PLCL1: variants seen among roughly 807,000 people sequenced by gnomAD.
PLCL1 encodes inactive phospholipase C-like protein 1.
In PLCL1, 41 loss-of-function variants were observed where a neutral mutation model predicts 84.4. The observed-to-expected ratio is 0.49, with a 90% CI of 0.38 to 0.63. PLCL1 has a LOEUF of 0.63. PLCL1 is among the 30% of genes least tolerant of loss of function. The pLI, the probability that PLCL1 is intolerant of heterozygous loss-of-function variation, is 0.00. For missense variants in PLCL1, 1,206 were observed against 1,367.8 expected (o/e 0.88, Z 1.87); for synonymous variants, 490 against 488.3 (o/e 1.00, Z -0.05).
intron 1 of PLCL1, among the ~76,000 whole-genome samples, chr2:197,809,963 A>T (rs1302186321): frequency 6.6e-6 from 1 of 152,180 alleles, no homozygotes; most frequent in Non-Finnish European, 1.5e-5. Flanking sequence ...GCATTTATAG[A>T]TTTTATTCTC....
Position 198,084,407 on chromosome 2 carries a change from G to C in PLCL1, c.890G>C (p.Arg297Pro). ...IQKSKEKLTT[R>P]VTEEEFCEAF... ...AAGAGCAAGGAAAAACTAACCACCC[G>C]CGTGACCGAAGAGGAATTTTGTGAA... The change falls in exon 2 of 6, where the codon CGC becomes CCC. Residue 297 changes from arginine (R) to proline (P), a missense_variant. Arg to Pro is a moderately radical substitution (Grantham distance 103). Coordinates refer to ENST00000428675, the MANE Select transcript of PLCL1 (RefSeq NM_006226.4). 1 of 1,614,136 alleles carries C rather than the reference G, an allele frequency of 6.2e-7. No homozygotes were observed. The highest frequency in any genetic ancestry group is 8.5e-7 in the Non-Finnish European group (1 of 1,180,002).
chr2:198,051,765 T>G (rs1031577922), intron 1 of PLCL1, among the ~76,000 whole-genome samples: 2 of 152,184 alleles, frequency 1.3e-5, no homozygotes, highest in African/African-American at 4.8e-5. Context: ...AGACGGCGTC[T>G]TGCTCTGTCG....
intron 1 of PLCL1, among the ~76,000 whole-genome samples, chr2:197,861,674 C>T (rs1687436318): frequency 6.6e-6 from 1 of 152,106 alleles, no homozygotes; most frequent in Non-Finnish European, 1.5e-5. Context: ...TCTGAACTAC[C>T]TCCAGGTAGA....
chr2:197,818,987 C>T (rs1690750048), intron 1 of PLCL1, among the ~76,000 whole-genome samples: 2 of 152,124 alleles, frequency 1.3e-5, no homozygotes, highest in Admixed American at 1.3e-4. Flanking sequence ...AAATCTCCCA[C>T]ACCAGGATAA....
intron 1 of PLCL1, among the ~76,000 whole-genome samples, chr2:198,020,336 G>A (rs73058854): frequency 0.17 from 26,558 of 151,934 alleles, 2,385 homozygotes; most frequent in East Asian, 0.26. Flanking sequence ...TCAACTAATC[G>A]GAAAATAACC....
intron 1 of PLCL1, among the ~76,000 whole-genome samples, chr2:197,900,828 G>C (rs1688249023): frequency 6.6e-6 from 1 of 152,168 alleles, no homozygotes; most frequent in South Asian, 2.1e-4. Context: ...TTTCTGGAGG[G>C]TTTTTCTTGG....
chr2:197,963,562 T>C (rs560011877), intron 1 of PLCL1, among the ~76,000 whole-genome samples: 2 of 152,226 alleles, frequency 1.3e-5, no homozygotes, highest in South Asian at 4.1e-4. Flanking sequence ...GGGTTGTTTC[T>C]TTTGCTGTGC....
chr2:198,083,105 G>A (rs1389067210), intron 1 of PLCL1, among the ~76,000 whole-genome samples: 1 of 152,186 alleles, frequency 6.6e-6, no homozygotes, highest in Non-Finnish European at 1.5e-5. Context: ...TTTAAGCTGT[G>A]CCTGCTAATA....
intron 1 of PLCL1, among the ~76,000 whole-genome samples, chr2:197,843,740 C>G (rs1687062918): frequency 6.6e-6 from 1 of 152,094 alleles, no homozygotes; most frequent in Non-Finnish European, 1.5e-5. Context: ...TTGAAAGATT[C>G]CCTAGATCTG....
chr2:197,954,624 C>T (rs1559055139), intron 1 of PLCL1, among the ~76,000 whole-genome samples: 1 of 152,046 alleles, frequency 6.6e-6, no homozygotes, highest in Non-Finnish European at 1.5e-5. Flanking sequence ...TTTGGAGGCG[C>T]TTCTTTGCTG....
chr2:197,986,926 C>T (rs1690231231), intron 1 of PLCL1, among the ~76,000 whole-genome samples: 1 of 152,148 alleles, frequency 6.6e-6, no homozygotes, highest in African/African-American at 2.4e-5. Flanking sequence ...GTATTTCATA[C>T]TGATAACAAC....
At chr2:197,835,365 T>G (rs1469631744) in intron 1 of PLCL1, among the ~76,000 whole-genome samples, 1 of 152,214 alleles carries the variant, frequency 6.6e-6, no homozygotes, top group African/African-American at 2.4e-5. Context: ...AGTAGATAGT[T>G]TTGTGACATT....
chr2:198,014,186 T>C (rs1044334383), intron 1 of PLCL1, among the ~76,000 whole-genome samples: 2 of 152,164 alleles, frequency 1.3e-5, no homozygotes, highest in African/African-American at 2.4e-5. Flanking sequence ...CATGAGGACA[T>C]GCTCTGCCTT....
intron 1 of PLCL1, among the ~76,000 whole-genome samples, chr2:198,055,757 T>C (rs1466932133): frequency 1.3e-5 from 2 of 152,168 alleles, no homozygotes; most frequent in African/African-American, 4.8e-5. Context: ...CCTTTACATC[T>C]TTTTCTTTCC....
chr2:197,834,091 T>C (rs754193200), intron 1 of PLCL1, among the ~76,000 whole-genome samples: 18 of 152,104 alleles, frequency 1.2e-4, no homozygotes, highest in Non-Finnish European at 2.4e-4. Context: ...ATAAATGGTG[T>C]TGGGAAAACT....
At chr2:198,044,357 A>T (rs1691738200) in intron 1 of PLCL1, among the ~76,000 whole-genome samples, 1 of 152,182 alleles carries the variant, frequency 6.6e-6, no homozygotes, top group African/African-American at 2.4e-5. Context: ...TCCTTAAAAA[A>T]GCATGCTACT....
chr2:198,093,381 G>A (rs2105905776), intron 3 of PLCL1, among the ~76,000 whole-genome samples: 1 of 152,294 alleles, frequency 6.6e-6, no homozygotes, highest in African/African-American at 2.4e-5. Context: ...GGAAAACTGG[G>A]AGGTGGGGGT....
At chr2:197,991,700 C>G (rs1032942275) in intron 1 of PLCL1, among the ~76,000 whole-genome samples, 2 of 152,162 alleles carry the variant, frequency 1.3e-5, no homozygotes, top group Non-Finnish European at 2.9e-5. Flanking sequence ...TCCCCTTTCT[C>G]CCAGTGCAGG....
chr2:197,832,471 T>C (rs764361091), intron 1 of PLCL1, among the ~76,000 whole-genome samples: 62 of 152,204 alleles, frequency 4.1e-4, no homozygotes, highest in Non-Finnish European at 7.5e-4. Context: ...GTCAAATTCC[T>C]GAATAGACCA....
Sources: allele counts gnomAD v4.1 joint callset (sites outside exome capture counted in the v4.1 genomes callset), GRCh38; gene constraint gnomAD v4.1.1; transcripts MANE v1.5; gene names NCBI Gene and HGNC (gene_info 2026-07-23, HGNC 2026-07-21).